Variants in INTS6 observed in about 807,000 individuals in gnomAD.
The protein encoded by INTS6 is DEAD box protein.
A neutral mutation model predicts 104.9 loss-of-function variants in INTS6; 16 were observed. That is an observed-to-expected ratio of 0.15 (90% confidence interval 0.10 to 0.23). The LOEUF is 0.23. Ranked by LOEUF, INTS6 falls within the 10% of genes least tolerant of loss-of-function variation. The probability of loss-of-function intolerance (pLI) is 1.00; values close to 1 mark genes in which losing one functional copy is unlikely to be tolerated. For missense variants in INTS6, 584 were observed against 1,062.8 expected (o/e 0.55, Z 6.26); for synonymous variants, 324 against 358.7 (o/e 0.90, Z 1.09).
chr13:51,340,835 C>T, the INTS6 span: 1 of 552,120 alleles, frequency 1.8e-6, no homozygotes, highest in South Asian at 2.2e-5. Context: ...ATCTTCAGAC[C>T]CACAGTTTGG....
downstream of INTS6, among the ~76,000 whole-genome samples, chr13:51,357,326 C>T (rs1593647023): frequency 6.6e-6 from 1 of 152,176 alleles, no homozygotes; most frequent in African/African-American, 2.4e-5. Context: ...GGGGTAACTA[C>T]CACTCACCAC....
downstream of INTS6, chr13:51,361,135 G>A: frequency 1.9e-6 from 1 of 532,746 alleles, no homozygotes; most frequent in East Asian, 3.0e-5. Context: ...AACAAAAACA[G>A]AATTTTCCAC....
intron 4 of INTS6, among the ~76,000 whole-genome samples, chr13:51,408,016 CAA>C (rs558667282): frequency 2.7e-4 from 18 of 66,930 alleles, no homozygotes; most frequent in Admixed American, 3.2e-4. Flanking sequence ...GACTCGGTCT[CAA>C]AAAAAAAAAA....
rs1238722155 is a variant in INTS6 at position 51,452,409 on chromosome 13, C to T, written c.111+6G>A. 6.3e-7 allele frequency: 1 copy of T among 1,596,030 alleles called. No individual in the cohort carries two copies. Among genetic ancestry groups the T allele is most frequent in the African/African-American group, 1.4e-5 (1 of 73,224 alleles). ...GGGTCGCCGCCCGGGCTCGGTCAGT[C>T]GGTACCTTCATGAAGGTCTCTACCG... On this transcript the variant is annotated splice_donor_region_variant and intron_variant, in intron 1 of 17. Coordinates refer to ENST00000311234, the MANE Select transcript of INTS6 (RefSeq NM_012141.3). The surrounding 1 kb of genome is among the most constrained non-coding windows in gnomAD (Gnocchi z 4.2).
intron 3 of INTS6, chr13:51,443,157 C>A (rs1013226865): frequency 6.6e-6 from 1 of 152,090 alleles, no homozygotes; most frequent in African/African-American, 2.4e-5. Flanking sequence ...TGTTCTATCA[C>A]CAATTACAAT....
chr13:51,379,005 T>C (rs1955992398), intron 11 of INTS6, among the ~76,000 whole-genome samples: 1 of 152,076 alleles, frequency 6.6e-6, no homozygotes, highest in Non-Finnish European at 1.5e-5. Context: ...TTAAACTATA[T>C]ACTGCTTGAC....
chr13:51,406,822 T>G (rs970359855), intron 4 of INTS6, among the ~76,000 whole-genome samples: 1 of 152,154 alleles, frequency 6.6e-6, no homozygotes, highest in African/African-American at 2.4e-5. Context: ...ACAGGCTGCA[T>G]GTAGCCCAGT....
downstream of INTS6, chr13:51,361,534 C>T (rs1371797649): frequency 2.4e-5 from 14 of 589,156 alleles, no homozygotes; most frequent in East Asian, 2.8e-5. Context: ...TGAAAAATGA[C>T]GGGGAAGAAG....
the INTS6 span, among the ~76,000 whole-genome samples, chr13:51,338,500 CGGATGGATGGACAGAT>C: frequency 6.6e-6 from 1 of 151,684 alleles, no homozygotes; most frequent in Non-Finnish European, 1.5e-5. Context: ...CACGGACAGA[CGGATGGATGGACAGAT>C]GAATGGACAG....
intron 7 of INTS6, among the ~76,000 whole-genome samples, chr13:51,387,182 C>T (rs1458976019): frequency 6.6e-6 from 1 of 152,072 alleles, no homozygotes; most frequent in Non-Finnish European, 1.5e-5. Context: ...AAGGAGATGC[C>T]TTTTTTCTAT....
chr13:51,383,388 A>G lies in INTS6; in HGVS notation c.1121T>C (p.Leu374Pro). The change falls in exon 9 of 18, where the codon CTG (leucine) becomes CCG (proline). Residue 374 changes from leucine to proline, a missense_variant. This residue lies in a region of INTS6 where 144 missense variants were observed against 348.7 expected (regional missense o/e 0.41). Coordinates refer to ENST00000311234, the MANE Select transcript of INTS6 (RefSeq NM_012141.3). ...CATCACAAATAAGTTGACACAGTTC[A>G]GTGCTGTACTGGCTTTCAAGTAACC... ...PFGYLKASTALNCVNLFVMPY... is the reference protein window; with the variant it reads ...PFGYLKASTAPNCVNLFVMPY... The G allele has an allele frequency of 6.2e-7, 1 of 1,614,042 alleles. No homozygotes were observed. The highest frequency in any genetic ancestry group is 8.5e-7 in the Non-Finnish European group (1 of 1,179,924).
In INTS6 at chr13:51,452,916, C is replaced by T; in HGVS notation, c.-391G>A. On this transcript the variant is annotated 5_prime_UTR_variant, in exon 1 of 18. Transcript: ENST00000311234. This position sits in a 1 kb window ranked among gnomAD's most constrained non-coding sequence, Gnocchi z 4.2. The stretch of plus-strand genomic sequence containing the variant: ...CGGTACAGGAGTGGGGACCTGGGAG[C>T]TGGCGAAGAGGGGAGTGGGCTGAGG... The T allele has an allele frequency of 1.8e-6, 2 of 1,082,950 alleles. No homozygotes were observed. Among genetic ancestry groups the T allele is most frequent in the Non-Finnish European group, 2.2e-6 (2 of 888,958 alleles). 67.1% of individuals were successfully genotyped at this position (1,082,950 alleles called of 1,614,324 possible).
chr13:51,399,092 T>C (rs538021992), intron 4 of INTS6, among the ~76,000 whole-genome samples: 1 of 152,244 alleles, frequency 6.6e-6, no homozygotes, highest in Non-Finnish European at 1.5e-5. Context: ...AAATGGAGTA[T>C]TGTCTCTTTG....
At chr13:51,373,064 G>A (rs1955843551) in intron 15 of INTS6, among the ~76,000 whole-genome samples, 1 of 151,608 alleles carries the variant, frequency 6.6e-6, no homozygotes, top group Non-Finnish European at 1.5e-5. Flanking sequence ...TTTTTTCCAG[G>A]AAAAAAACCC....
At chr13:51,382,486 T>C (rs1053292137) in intron 9 of INTS6, among the ~76,000 whole-genome samples, 1 of 152,234 alleles carries the variant, frequency 6.6e-6, no homozygotes, top group African/African-American at 2.4e-5. Context: ...TAATGTGATT[T>C]CATGGAAGGT....
Position 51,362,609 on chromosome 13 carries a change from T to C in INTS6, c.*3143A>G, listed in dbSNP as rs995226050. ...GTTGTTGGCAAGTCTAAACAGTGTA[T>C]TAAAAAGAAATAGGATAGAACAAGA... On this transcript the variant is annotated 3_prime_UTR_variant, in exon 18 of 18. Coordinates refer to ENST00000311234, the MANE Select transcript of INTS6 (RefSeq NM_012141.3). 1 of 152,354 alleles carries C rather than the reference T, an allele frequency of 6.6e-6. No homozygotes were observed. The highest frequency in any genetic ancestry group is 1.9e-4 in the East Asian group (1 of 5,192). 9.4% of individuals were successfully genotyped at this position (152,354 alleles called of 1,614,324 possible).
intron 4 of INTS6, among the ~76,000 whole-genome samples, chr13:51,425,752 ACT>A (rs1956973473): frequency 6.6e-6 from 1 of 152,050 alleles, no homozygotes; most frequent in South Asian, 2.1e-4. Flanking sequence ...CTTTTCAATA[ACT>A]CTAATTTGTT....
Position 51,452,880 on chromosome 13 carries a change from C to G in INTS6, c.-355G>C. 8.8e-7 allele frequency: 1 copy of G among 1,130,198 alleles called. No homozygotes were observed. The highest frequency in any genetic ancestry group is 1.1e-6 in the Non-Finnish European group (1 of 917,164). The allele number at this position is 1,130,198 out of a possible 1,614,324, so 70.0% of individuals were successfully genotyped here. A position where few individuals can be genotyped will look rare whatever the true frequency, so the allele number is the denominator to read the frequency against. ...CCAGCGGGAGACGGGCCTGGCTCCC[C>G]ACCCCACCCCCGGTACAGGAGTGGG... On this transcript the variant is annotated 5_prime_UTR_variant, in exon 1 of 18. Coordinates refer to ENST00000311234, the MANE Select transcript of INTS6 (RefSeq NM_012141.3). The surrounding 1 kb of genome is among the most constrained non-coding windows in gnomAD (Gnocchi z 4.2).
the INTS6 span, among the ~76,000 whole-genome samples, chr13:51,342,788 T>C: frequency 2.6e-5 from 4 of 152,188 alleles, no homozygotes; most frequent in Admixed American, 2.0e-4. Context: ...CCTAGGAATG[T>C]GATCTCAGAA....
Sources: allele counts gnomAD v4.1 joint callset (sites outside exome capture counted in the v4.1 genomes callset), GRCh38; gene constraint gnomAD v4.1.1; regional missense constraint gnomAD v4.1.1; non-coding constraint Gnocchi (gnomAD v3.1); transcripts MANE v1.5; gene names NCBI Gene and HGNC (gene_info 2026-07-23, HGNC 2026-07-21).